Variants in LSAMP observed in about 807,000 individuals in gnomAD.
The protein encoded by LSAMP is limbic system associated membrane protein.
Under a neutral mutation model 38.6 loss-of-function variants are expected in LSAMP, and 7 were observed. The ratio of observed to expected loss-of-function variants is 0.18; its 90% CI spans 0.10 to 0.34. LSAMP has a LOEUF of 0.34. Among genes scored for constraint, LSAMP ranks in the 10% least tolerant of loss-of-function variants. The pLI is 1.00. For missense variants in LSAMP, 313 were observed against 420.0 expected (o/e 0.75, Z 2.23); for synonymous variants, 154 against 166.8 (o/e 0.92, Z 0.59).
At chr3:116,125,403 A>AT (rs2107494110) in intron 1 of LSAMP, among the ~76,000 whole-genome samples, 1 of 90,588 alleles carries the variant, frequency 1.1e-5, no homozygotes, top group Admixed American at 1.6e-4. Context: ...TTTTTTTTTC[A>AT]GTGTGTTTCT....
chr3:116,171,039 TG>T (rs1559768927), intron 1 of LSAMP, among the ~76,000 whole-genome samples: 1 of 152,286 alleles, frequency 6.6e-6, no homozygotes, highest in East Asian at 1.9e-4. Context: ...TGGAATAAGA[TG>T]ACTTGAGTTT....
rs143465775 is a variant in LSAMP at position 115,887,183 on chromosome 3, G to A, written c.515-34566C>T. Among the ~76,000 whole-genome samples the A allele has an allele frequency of 4.1e-3, 626 of 151,930 alleles. 8 individuals carry two copies. The highest frequency in any genetic ancestry group is 0.015 in the African/African-American group (612 of 41,508). ...GTTTTAGCAAATTCATTTTTTTCAA[G>A]TGACTCTTAATACTTTCTGATATTA... On this transcript the variant is annotated intron_variant, in intron 3 of 6. Coordinates refer to ENST00000490035, the MANE Select transcript of LSAMP (RefSeq NM_002338.5).
chr3:115,938,100 G>A (rs1302952765), intron 3 of LSAMP, among the ~76,000 whole-genome samples: 1 of 152,106 alleles, frequency 6.6e-6, no homozygotes, highest in Non-Finnish European at 1.5e-5. Flanking sequence ...ACTAACAATA[G>A]ATAAAAACAC....
intron 3 of LSAMP, among the ~76,000 whole-genome samples, chr3:115,997,712 GGATATATATATATA>G (rs1436713413): frequency 2.0e-5 from 1 of 49,994 alleles, no homozygotes; most frequent in Admixed American, 2.5e-4. Context: ...TGACATTTTG[GGATATATATATATA>G]TATATATATA....
At position 116,298,423 on chromosome 3, in the gene LSAMP, A is replaced by AG. The variant is rs1398223080; in HGVS notation, c.155+146453dup. ...CATTTGAGAGATGTATGTGTTCAGAAGGGGGAAAAAAAAAACTGGGAGTTA... is the reference window on the plus strand; with the variant it reads ...CATTTGAGAGATGTATGTGTTCAGAAGGGGGGAAAAAAAAAACTGGGAGTTA... On this transcript the variant is annotated intron_variant, in intron 1 of 6. Coordinates refer to ENST00000490035, the MANE Select transcript of LSAMP (RefSeq NM_002338.5). Among the ~76,000 whole-genome samples, 3 of 152,060 alleles carry AG rather than the reference A, an allele frequency of 2.0e-5. 1 individual carries two copies. The highest frequency in any genetic ancestry group is 4.8e-5 in the African/African-American group (2 of 41,402).
In LSAMP at chr3:115,901,867, T is replaced by C. The variant is rs1026434450; in HGVS notation, c.515-49250A>G. Among the ~76,000 whole-genome samples the C allele has an allele frequency of 3.9e-5, 6 of 152,060 alleles. No homozygotes were observed. In the South Asian group the frequency reaches 1.2e-3, roughly 32 times the overall value. On this transcript the variant is annotated intron_variant, in intron 3 of 6. Transcript: ENST00000490035. Reference sequence around the variant, plus strand: ...AACACATATGGGTTGTTTACAAAAATTGACCACATTCAGAAATAAAAAAGC... The same window carrying C: ...AACACATATGGGTTGTTTACAAAAACTGACCACATTCAGAAATAAAAAAGC...
chr3:116,335,568 A>C (rs1053082414), intron 1 of LSAMP, among the ~76,000 whole-genome samples: 9 of 152,084 alleles, frequency 5.9e-5, no homozygotes, highest in African/African-American at 2.2e-4. Context: ...TTGCATATGC[A>C]GATGTCCTTT....
chr3:116,109,950 G>C (rs1422971289), intron 1 of LSAMP, among the ~76,000 whole-genome samples: 1 of 149,672 alleles, frequency 6.7e-6, no homozygotes, highest in Non-Finnish European at 1.5e-5. Context: ...GGGGCACAGA[G>C]ATAAGAGGTC....
Position 116,374,288 on chromosome 3 carries a change from A to G in LSAMP, c.155+70589T>C, listed in dbSNP as rs894740006. Among the ~76,000 whole-genome samples, 3 of 151,942 alleles carry G rather than the reference A, an allele frequency of 2.0e-5. No individual in the cohort carries two copies. In the South Asian group the frequency reaches 6.2e-4, roughly 31 times the overall value. On this transcript the variant is annotated intron_variant, in intron 1 of 6. Coordinates refer to ENST00000490035, the MANE Select transcript of LSAMP (RefSeq NM_002338.5). ...TCACATTCAGTTGTAATACAAGAAGAAGGTGTTCTTATATTGCATTCAAGA... is the reference window on the plus strand; with the variant it reads ...TCACATTCAGTTGTAATACAAGAAGGAGGTGTTCTTATATTGCATTCAAGA...
chr3:115,898,810 G>A (rs1936796700), intron 3 of LSAMP, among the ~76,000 whole-genome samples: 1 of 152,070 alleles, frequency 6.6e-6, no homozygotes, highest in South Asian at 2.1e-4. Context: ...GGCATCTCCA[G>A]TGGTGACCAC....
chr3:116,347,188 A>G (rs973288408), intron 1 of LSAMP, among the ~76,000 whole-genome samples: 1 of 152,228 alleles, frequency 6.6e-6, no homozygotes, highest in Non-Finnish European at 1.5e-5. Context: ...AACCAAAGTC[A>G]TAATAATAAC....
chr3:115,883,101 A>G (rs1936363628), intron 3 of LSAMP, among the ~76,000 whole-genome samples: 1 of 152,102 alleles, frequency 6.6e-6, no homozygotes. Context: ...CTGTTCCACT[A>G]AATTCCAAAG....
intron 1 of LSAMP, among the ~76,000 whole-genome samples, chr3:116,366,486 T>C (rs531930137): frequency 3.0e-4 from 46 of 152,286 alleles, no homozygotes; most frequent in Admixed American, 2.4e-3. Context: ...GGCCATCCAT[T>C]CTCAGTGGTT....
intron 1 of LSAMP, among the ~76,000 whole-genome samples, chr3:116,232,093 C>G (rs1170383248): frequency 6.6e-6 from 1 of 152,158 alleles, no homozygotes; most frequent in East Asian, 1.9e-4. Context: ...AGTCAGGGCT[C>G]TAGTCTTGGT....
intron 1 of LSAMP, among the ~76,000 whole-genome samples, chr3:116,334,472 C>T (rs1559831812): frequency 6.6e-6 from 1 of 152,016 alleles, no homozygotes; most frequent in Non-Finnish European, 1.5e-5. Flanking sequence ...CCCTTATGAA[C>T]ATTGATGCAA....
At chr3:115,847,494 G>A (rs1307560609) in intron 4 of LSAMP, among the ~76,000 whole-genome samples, 1 of 151,962 alleles carries the variant, frequency 6.6e-6, no homozygotes, top group Non-Finnish European at 1.5e-5. Context: ...TTTGGTTGGT[G>A]ATATGGTTTG....
chr3:116,039,717 C>T (rs1428749970), intron 2 of LSAMP, among the ~76,000 whole-genome samples: 1 of 152,064 alleles, frequency 6.6e-6, no homozygotes, highest in Non-Finnish European at 1.5e-5. Context: ...CTGGGTGGGG[C>T]ATTACAAAGA....
chr3:116,269,880 A>G (rs1339280946), intron 1 of LSAMP, among the ~76,000 whole-genome samples: 1 of 152,186 alleles, frequency 6.6e-6, no homozygotes, highest in African/African-American at 2.4e-5. Context: ...TTGTATAAGC[A>G]TACCTTATAT....
At chr3:116,251,991 C>T (rs16824640) in intron 1 of LSAMP, among the ~76,000 whole-genome samples, 6,189 of 152,240 alleles carry the variant, frequency 0.041, 173 homozygotes, top group African/African-American at 0.083. Flanking sequence ...TCTCACTCGA[C>T]CCCAAATCTC....
Sources: allele counts gnomAD v4.1 joint callset (sites outside exome capture counted in the v4.1 genomes callset), GRCh38; gene constraint gnomAD v4.1.1; transcripts MANE v1.5; gene names NCBI Gene and HGNC (gene_info 2026-07-23, HGNC 2026-07-21).